Variants in SEC24C observed in about 807,000 individuals in gnomAD.
SEC24C encodes the protein SEC24 homolog C, COPII component, also known as protein transport protein Sec24C.
SEC24C carries 22 observed loss-of-function variants against 117.0 expected under a neutral mutation model. That is an observed-to-expected ratio of 0.19 (90% CI 0.13 to 0.27). SEC24C has a LOEUF of 0.27. SEC24C is among the 10% of genes least tolerant of loss of function. The pLI is 1.00. For synonymous variants in SEC24C, 506 were observed against 529.4 expected (o/e 0.96, Z 0.61); for missense variants, 1,155 against 1,375.1 (o/e 0.84, Z 2.53).
chr10:73,769,237 AAGAAG>A lies in SEC24C; in HGVS notation c.2424+89_2424+93del, dbSNP rs774907404. The A allele has an allele frequency of 3.1e-6, 5 of 1,589,770 alleles. No homozygotes were observed. The African/African-American group carries it at 5.4e-5, about 17-fold the overall frequency. On this transcript the variant is annotated intron_variant, in intron 17 of 22. Coordinates refer to ENST00000345254, the MANE Select transcript of SEC24C (RefSeq NM_198597.3). This position sits in a 1 kb window ranked among gnomAD's most constrained non-coding sequence, Gnocchi z 4.5. ...GTGAGGAATGGGTAGAGAGCACTAA[AAGAAG>A]AGACAGGGCACGGGAGTGGCTCATT...
intron 3 of SEC24C, among the ~76,000 whole-genome samples, chr10:73,752,823 C>CA (rs1177246918): frequency 3.3e-5 from 5 of 151,754 alleles, no homozygotes; most frequent in Non-Finnish European, 7.4e-5. Context: ...GACCCTGTCA[C>CA]AAAAAAACAA....
Position 73,769,771 on chromosome 10 carries a change from G to C in SEC24C, c.2682+38G>C. ...TATTAGTGGGAGGTGGGGTTGTTGG[G>C]ACAAATGTTTGCATTTGGGAGGGAT... is the stretch of plus-strand genomic sequence containing the variant. On this transcript the variant is annotated intron_variant, in intron 19 of 22. Coordinates refer to ENST00000345254, the MANE Select transcript of SEC24C (RefSeq NM_198597.3). The surrounding 1 kb of genome is among the most constrained non-coding windows in gnomAD (Gnocchi z 4.5). 6.2e-7 allele frequency: 1 copy of C among 1,611,754 alleles called. No homozygotes were observed. Among genetic ancestry groups the C allele is most frequent in the African/African-American group, 1.3e-5 (1 of 74,994 alleles).
chr10:73,756,098 C>T lies in SEC24C; in HGVS notation c.309-3524C>T, dbSNP rs1379503054. Among the ~76,000 whole-genome samples, 3 of 152,128 alleles carry T rather than the reference C, an allele frequency of 2.0e-5. No individual in the cohort carries two copies. In the East Asian group the frequency reaches 5.8e-4, roughly 29 times the overall value. ...AACTCCTCGCCTCAGGTGAACCGCC[C>T]ACCTTGGCCTCCCAAAGTGGTGGGA... is the stretch of plus-strand genomic sequence containing the variant. On this transcript the variant is annotated intron_variant, in intron 3 of 22. Transcript: ENST00000345254.
intron 6 of SEC24C, among the ~76,000 whole-genome samples, chr10:73,761,061 G>A (rs551231609): frequency 2.0e-5 from 3 of 152,332 alleles, no homozygotes; most frequent in East Asian, 1.9e-4. Context: ...GGCAGAGAAG[G>A]AAGGGAAACC....
chr10:73,771,181 T>C lies in SEC24C; in HGVS notation c.*86T>C, dbSNP rs1349571154. ...GAGAAATTGGGACAGTAACATATCTTATGTAAGCTGACCTCAGTCTCTCTG... is the reference window on the plus strand; with the variant it reads ...GAGAAATTGGGACAGTAACATATCTCATGTAAGCTGACCTCAGTCTCTCTG... On this transcript the variant is annotated 3_prime_UTR_variant, in exon 23 of 23. Coordinates refer to ENST00000345254, the MANE Select transcript of SEC24C (RefSeq NM_198597.3). The C allele has an allele frequency of 3.4e-6, 5 of 1,483,560 alleles. No homozygotes were observed. Among genetic ancestry groups the C allele is most frequent in the Non-Finnish European group, 4.6e-6 (5 of 1,090,168 alleles). The allele number at this position is 1,483,560 out of a possible 1,614,324, so 91.9% of individuals were successfully genotyped here. A position where few individuals can be genotyped will look rare whatever the true frequency, so the allele number is the denominator to read the frequency against.
Position 73,759,892 on chromosome 10 carries a change from T to C in SEC24C, c.481+98T>C, listed in dbSNP as rs1176607493. On this transcript the variant is annotated intron_variant, in intron 4 of 22. Coordinates refer to ENST00000345254, the MANE Select transcript of SEC24C (RefSeq NM_198597.3). ...TCTCTTTTATTTCCCTTGTATTTCC[T>C]GTGCCTCTGAGCCTCAGAAGATGGG... 4.0e-6 allele frequency: 6 copies of C among 1,483,854 alleles called. No individual in the cohort carries two copies. In the Admixed American group the frequency reaches 1.4e-4, roughly 34 times the overall value. The allele number at this position is 1,483,854 out of a possible 1,614,324, so 91.9% of individuals were successfully genotyped here.
intron 6 of SEC24C, chr10:73,762,015 T>C: frequency 1.1e-6 from 1 of 944,106 alleles, no homozygotes; most frequent in African/African-American, 1.7e-5. Flanking sequence ...CTCAACAGGG[T>C]TGAGAGAAGT....
In SEC24C at chr10:73,759,760, G is replaced by A. The variant is rs781176931; in HGVS notation, c.447G>A (p.Val149=). 1 of 1,602,360 alleles carries A rather than the reference G, an allele frequency of 6.2e-7. No individual in the cohort carries two copies. Among genetic ancestry groups the A allele is most frequent in the Admixed American group, 1.8e-5 (1 of 57,054 alleles). The change falls in exon 4 of 23, where the codon GTG becomes GTA. Residue 149 remains valine, a synonymous_variant. Coordinates refer to ENST00000345254, the MANE Select transcript of SEC24C (RefSeq NM_198597.3). The part of the protein sequence containing the change: ...QLSGMQISGA[V]APAPPSSGLG... Reference sequence around the variant, plus strand: ...CTGGAATGCAGATCAGCGGTGCTGTGGCCCCAGCCCCTCCTTCTTCAGGGC... The same window carrying A: ...CTGGAATGCAGATCAGCGGTGCTGTAGCCCCAGCCCCTCCTTCTTCAGGGC...
chr10:73,745,343 A>G lies in SEC24C; in HGVS notation c.-29+906A>G, dbSNP rs529589973. ...TCATAACAATCGTAAGGGGAGCAGA[A>G]ACAGGAGAGTTGGAGAAGTGCATTG... On this transcript the variant is annotated intron_variant, in intron 1 of 22. Coordinates refer to ENST00000345254, the MANE Select transcript of SEC24C (RefSeq NM_198597.3). Among the ~76,000 whole-genome samples the G allele has an allele frequency of 4.3e-4, 65 of 152,010 alleles. 1 individual carries two copies. The South Asian group carries it at 0.013, about 30-fold the overall frequency.
chr10:73,752,864 A>T (rs892031669), intron 3 of SEC24C, among the ~76,000 whole-genome samples: 1 of 152,160 alleles, frequency 6.6e-6, no homozygotes, highest in Non-Finnish European at 1.5e-5. Context: ...CGAAACAAGC[A>T]TATGCCTTAG....
At chr10:73,760,650 T>G (rs1292326542) in intron 5 of SEC24C, 63 bp from the exon 6 acceptor site, 17 of 1,488,010 alleles carry the variant, frequency 1.1e-5, no homozygotes, top group Non-Finnish European at 1.4e-5. Context: ...GTCATTTTCC[T>G]GAGGCCTTAA....
intron 10 of SEC24C, 34 bp from the exon 11 acceptor site, chr10:73,766,052 T>C: frequency 6.2e-7 from 1 of 1,607,306 alleles, no homozygotes; most frequent in South Asian, 1.1e-5. Context: ...CTGCTTACCA[T>C]TCCCCCTCTC....
In SEC24C at chr10:73,771,174, C is replaced by T; in HGVS notation, c.*79C>T. The T allele has an allele frequency of 6.6e-7, 1 of 1,520,728 alleles. No homozygotes were observed. The highest frequency in any genetic ancestry group is 8.9e-7 in the Non-Finnish European group (1 of 1,117,956). 94.2% of individuals were successfully genotyped at this position (1,520,728 alleles called of 1,614,324 possible). The stretch of plus-strand genomic sequence containing the variant: ...GATGTCAGAGAAATTGGGACAGTAA[C>T]ATATCTTATGTAAGCTGACCTCAGT... On this transcript the variant is annotated 3_prime_UTR_variant, in exon 23 of 23. Transcript: ENST00000345254.
intron 3 of SEC24C, among the ~76,000 whole-genome samples, chr10:73,752,841 C>CA (rs1299213006): frequency 6.6e-6 from 1 of 151,962 alleles, no homozygotes; most frequent in Non-Finnish European, 1.5e-5. Context: ...CAAAACAAAA[C>CA]AAAAAACCCA....
chr10:73,770,246 C>T (rs1431817767), intron 20 of SEC24C, 34 bp from the exon 21 acceptor site: 34 of 1,562,190 alleles, frequency 2.2e-5, no homozygotes, highest in Non-Finnish European at 2.7e-5. Flanking sequence ...TCTTATGGTC[C>T]TTGGTAACCT....
At chr10:73,746,212 T>C (rs1228480564) in intron 1 of SEC24C, among the ~76,000 whole-genome samples, 1 of 151,840 alleles carries the variant, frequency 6.6e-6, no homozygotes, top group Non-Finnish European at 1.5e-5. Context: ...TACACTCTTT[T>C]GGTGGAAAGA....
At chr10:73,753,379 T>C (rs2082669010) in intron 3 of SEC24C, among the ~76,000 whole-genome samples, 2 of 152,100 alleles carry the variant, frequency 1.3e-5, no homozygotes, top group South Asian at 4.1e-4. Flanking sequence ...TTAAAAATAG[T>C]TTACACTTGG....
chr10:73,753,272 G>A (rs1194301463), intron 3 of SEC24C, among the ~76,000 whole-genome samples: 3 of 152,076 alleles, frequency 2.0e-5, no homozygotes, highest in South Asian at 4.1e-4. Flanking sequence ...GGCTGGTCTC[G>A]AACTCCTGAC....
At chr10:73,755,885 T>G (rs2132537758) in intron 3 of SEC24C, among the ~76,000 whole-genome samples, 1 of 150,842 alleles carries the variant, frequency 6.6e-6, no homozygotes, top group East Asian at 2.0e-4. Flanking sequence ...AGAGTCTTGC[T>G]CTGTCGCCCA....
Sources: gnomAD v4.1 joint callset for allele counts (sites outside exome capture counted in the v4.1 genomes callset) on GRCh38, gnomAD v4.1.1 for gene constraint, Gnocchi (gnomAD v3.1) non-coding constraint, MANE v1.5 for transcripts, NCBI Gene and HGNC (gene_info 2026-07-23, HGNC 2026-07-21) for gene names.